Variants in PLCB4 observed in about 807,000 individuals in gnomAD.
PLCB4 encodes the protein phospholipase C beta 4, also known as 1-phosphatidylinositol 4,5-bisphosphate phosphodiesterase beta-4.
PLCB4 carries 77 observed loss-of-function variants against 178.8 expected under a neutral mutation model. That is an observed-to-expected ratio of 0.43 (90% confidence interval 0.36 to 0.52). The LOEUF (loss-of-function observed/expected upper bound fraction) is 0.52, where lower values mean the gene tolerates loss of function less well. PLCB4 is among the 20% of genes least tolerant of loss of function. The probability of loss-of-function intolerance (pLI) is 0.00; values close to 1 mark genes in which losing one functional copy is unlikely to be tolerated. For synonymous variants in PLCB4, 496 were observed against 490.8 expected (o/e 1.01, Z -0.14); for missense variants, 1,024 against 1,453.4 (o/e 0.70, Z 4.80).
chr20:9,142,286 A>G (rs2092508586), intron 2 of PLCB4, among the ~76,000 whole-genome samples: 1 of 152,062 alleles, frequency 6.6e-6, no homozygotes, highest in Non-Finnish European at 1.5e-5. Flanking sequence ...CATAGTGAGG[A>G]ATACAAAGAA....
In PLCB4 at chr20:9,384,340, T is replaced by C. The variant is rs998272906; in HGVS notation, c.993T>C (p.Tyr331=). The C allele has an allele frequency of 2.5e-5, 41 of 1,614,068 alleles. No homozygotes were observed. In the Middle Eastern group the frequency reaches 1.3e-3, roughly 52 times the overall value. Residue 331 remains tyrosine (Y), a synonymous_variant, in exon 14 of 40, where the codon TAT becomes TAC. Coordinates refer to ENST00000378473, the MANE Select transcript of PLCB4 (RefSeq NM_001377142.1). ...HYFISSSHNT[Y]LTGRQFGGKS... The stretch of plus-strand genomic sequence containing the variant: ...TCATCAGTTCTTCCCATAACACTTA[T>C]CTCACTGGCAGACAGTTCGGCGGGA...
At chr20:9,175,430 C>T (rs1011025188) in intron 2 of PLCB4, among the ~76,000 whole-genome samples, 1 of 152,122 alleles carries the variant, frequency 6.6e-6, no homozygotes, top group Admixed American at 6.6e-5. Flanking sequence ...TTCTCAGTTC[C>T]AATAAATTGT....
chr20:9,078,116 G>C (rs978809982), intron 1 of PLCB4, among the ~76,000 whole-genome samples: 1 of 151,812 alleles, frequency 6.6e-6, no homozygotes, highest in African/African-American at 2.4e-5. Flanking sequence ...GAGTAGTTGG[G>C]ACCAGAGGCG....
At chr20:9,256,176 T>G (rs1344390667) in intron 3 of PLCB4, among the ~76,000 whole-genome samples, 2 of 152,170 alleles carry the variant, frequency 1.3e-5, no homozygotes, top group South Asian at 4.1e-4. Context: ...AGCAAAGCAT[T>G]GGAACACATA....
intron 2 of PLCB4, among the ~76,000 whole-genome samples, chr20:9,140,785 G>A (rs1378516210): frequency 6.6e-6 from 1 of 152,032 alleles, no homozygotes. Context: ...TGTTTATACA[G>A]CCTGCGGAAC....
In PLCB4 at chr20:9,204,794, C is replaced by T. The variant is rs1010404895; in HGVS notation, c.-78-12596C>T. The stretch of plus-strand genomic sequence containing the variant: ...TAGGCTTAAAGAACTTTTGCCGCCC[C>T]GTAATGAAAGCCAGAGCCACGTGTG... On this transcript the variant is annotated intron_variant, in intron 2 of 39. Coordinates refer to ENST00000378473, the MANE Select transcript of PLCB4 (RefSeq NM_001377142.1). Among the ~76,000 whole-genome samples, 5 of 151,902 alleles carry T rather than the reference C, an allele frequency of 3.3e-5. No homozygotes were observed. In the South Asian group the frequency reaches 6.2e-4, roughly 19 times the overall value.
chr20:9,317,282 C>G, intron 4 of PLCB4, among the ~76,000 whole-genome samples: 1 of 152,172 alleles, frequency 6.6e-6, no homozygotes. Context: ...TAGTCACCCT[C>G]TATTTCTCTT....
intron 30 of PLCB4, among the ~76,000 whole-genome samples, chr20:9,439,956 G>A (rs149265990): frequency 1.3e-5 from 2 of 152,298 alleles, no homozygotes; most frequent in East Asian, 3.9e-4. Context: ...TCTGGTTATG[G>A]GAGGATTAGT....
intron 3 of PLCB4, among the ~76,000 whole-genome samples, chr20:9,293,268 A>G (rs143326981): frequency 2.7e-5 from 4 of 149,360 alleles, no homozygotes; most frequent in African/African-American, 9.9e-5. Flanking sequence ...AAAGGGAAGG[A>G]AAGGGAAGGG....
chr20:9,134,435 G>T (rs191188578), intron 2 of PLCB4, among the ~76,000 whole-genome samples: 46 of 151,934 alleles, frequency 3.0e-4, no homozygotes, highest in African/African-American at 1.1e-3. Flanking sequence ...TTTGGTAAAT[G>T]ACATTGTATA....
At chr20:9,434,039 T>C (rs1223108446) in intron 28 of PLCB4, among the ~76,000 whole-genome samples, 1 of 152,186 alleles carries the variant, frequency 6.6e-6, no homozygotes, top group Non-Finnish European at 1.5e-5. Context: ...CTACAATACT[T>C]TAATAGCAAA....
intron 1 of PLCB4, among the ~76,000 whole-genome samples, chr20:9,095,329 C>A (rs2090862077): frequency 6.6e-6 from 1 of 152,122 alleles, no homozygotes; most frequent in South Asian, 2.1e-4. Context: ...CATTTCAAAT[C>A]TTTGGAGCTC....
chr20:9,178,429 A>G (rs914375762), intron 2 of PLCB4, among the ~76,000 whole-genome samples: 1 of 152,104 alleles, frequency 6.6e-6, no homozygotes, highest in African/African-American at 2.4e-5. Context: ...CTTAGGGCAA[A>G]AACATTTTAT....
intron 1 of PLCB4, among the ~76,000 whole-genome samples, chr20:9,094,537 A>C (rs1416661565): frequency 6.6e-6 from 1 of 152,146 alleles, no homozygotes; most frequent in Non-Finnish European, 1.5e-5. Flanking sequence ...ACTTTTTATT[A>C]TGGAACATTT....
intron 1 of PLCB4, among the ~76,000 whole-genome samples, chr20:9,084,968 G>A (rs1329528801): frequency 6.6e-6 from 1 of 151,438 alleles, no homozygotes; most frequent in East Asian, 1.9e-4. Context: ...CAGGAGAATG[G>A]CGTGAACCCG....
chr20:9,467,946 A>T, intron 35 of PLCB4, among the ~76,000 whole-genome samples: 1 of 152,178 alleles, frequency 6.6e-6, no homozygotes, highest in East Asian at 1.9e-4. Context: ...ATGCATTCCC[A>T]CATGCAGTGG....
chr20:9,332,913 C>G (rs771607928), intron 4 of PLCB4, among the ~76,000 whole-genome samples: 1 of 152,126 alleles, frequency 6.6e-6, no homozygotes, highest in Non-Finnish European at 1.5e-5. Context: ...ATAGGAATTC[C>G]CAGGACGTGC....
At chr20:9,468,314 G>A (rs1366285528) in intron 35 of PLCB4, among the ~76,000 whole-genome samples, 3 of 152,054 alleles carry the variant, frequency 2.0e-5, no homozygotes, top group Non-Finnish European at 4.4e-5. Flanking sequence ...AGTGAGAGGA[G>A]TGAGCCTAGT....
intron 2 of PLCB4, among the ~76,000 whole-genome samples, chr20:9,135,541 A>G (rs2092364783): frequency 6.6e-6 from 1 of 151,976 alleles, no homozygotes; most frequent in South Asian, 2.1e-4. Flanking sequence ...ATTTATAAGA[A>G]ATTTCCAGGC....
Sources: allele counts gnomAD v4.1 joint callset (sites outside exome capture counted in the v4.1 genomes callset), GRCh38; gene constraint gnomAD v4.1.1; transcripts MANE v1.5; gene names NCBI Gene and HGNC (gene_info 2026-07-23, HGNC 2026-07-21).